The following BORCS5 variants were observed in gnomAD, a reference collection of about 807,000 sequenced individuals.
The protein encoded by BORCS5 is BLOC-1 related complex subunit 5.
In BORCS5, 17 loss-of-function variants were observed where a neutral mutation model predicts 22.1. That is an observed-to-expected ratio of 0.77 (90% confidence interval 0.53 to 1.15). BORCS5 has a LOEUF of 1.15. BORCS5 is among the 50% of genes most tolerant of loss of function. The pLI, the probability that BORCS5 is intolerant of heterozygous loss-of-function variation, is 0.00. For synonymous variants in BORCS5, 117 were observed against 99.8 expected, an observed-to-expected ratio of 1.17 and a Z score of -1.03; for missense variants, 247 against 253.2, an observed-to-expected ratio of 0.98 and a Z score of 0.17.
chr12:12,414,217 C>A (rs1349724881), intron 2 of BORCS5, among the ~76,000 whole-genome samples: 4 of 89,626 alleles, frequency 4.5e-5, no homozygotes, highest in Non-Finnish European at 9.7e-5. Context: ...GCTGACCCCC[C>A]CACCTCCCTC....
In BORCS5 at chr12:12,357,289, C is replaced by A. The variant is rs530933282; in HGVS notation, c.-163C>A. ...CCTCTCCTTCTCCCGCCGCCCAGGCCCCTGCGTGGGCTGGACGCGTCAGCC... is the reference window on the plus strand; with the variant it reads ...CCTCTCCTTCTCCCGCCGCCCAGGCACCTGCGTGGGCTGGACGCGTCAGCC... On this transcript the variant is annotated 5_prime_UTR_variant, in exon 1 of 4. Transcript: ENST00000314565. 3.4e-4 allele frequency: 502 copies of A among 1,456,198 alleles called. 3 individuals are homozygous for A. The African/African-American group carries it at 6.6e-3, about 19-fold the overall frequency. The allele number at this position is 1,456,198 out of a possible 1,614,324, so 90.2% of individuals were successfully genotyped here.
chr12:12,423,438 CTTTTTTTTTTTT>C (rs939681383), intron 2 of BORCS5, among the ~76,000 whole-genome samples: 1,355 of 57,296 alleles, frequency 0.024, 36 homozygotes, highest in African/African-American at 0.077. Context: ...ACTCCCTCAG[CTTTTTTTTTTTT>C]TTTTTTTTTT....
intron 3 of BORCS5, among the ~76,000 whole-genome samples, chr12:12,436,792 G>A (rs1942565290): frequency 6.6e-6 from 1 of 152,200 alleles, no homozygotes; most frequent in South Asian, 2.1e-4. Context: ...CAACATTTTA[G>A]TGCTTAGCTT....
At chr12:12,375,107 G>A (rs1005776088) in intron 2 of BORCS5, among the ~76,000 whole-genome samples, 9 of 152,146 alleles carry the variant, frequency 5.9e-5, no homozygotes, top group Non-Finnish European at 1.3e-4. Flanking sequence ...TGCCTCCTGG[G>A]TTGAAGCAGT....
intron 2 of BORCS5, among the ~76,000 whole-genome samples, chr12:12,417,867 C>G (rs1191658680): frequency 6.6e-6 from 1 of 152,002 alleles, no homozygotes; most frequent in Non-Finnish European, 1.5e-5. Flanking sequence ...GTCTCGAACT[C>G]CTGAGCTCAA....
intron 2 of BORCS5, among the ~76,000 whole-genome samples, chr12:12,427,445 G>T (rs1011838861): frequency 6.6e-6 from 1 of 152,118 alleles, no homozygotes; most frequent in African/African-American, 2.4e-5. Flanking sequence ...CTCCCAAAGT[G>T]CTGGGATTAC....
chr12:12,422,233 T>C (rs1261922209), intron 2 of BORCS5, among the ~76,000 whole-genome samples: 4 of 152,242 alleles, frequency 2.6e-5, no homozygotes, highest in African/African-American at 9.6e-5. Flanking sequence ...TTTAAGATCC[T>C]AACGTGGTAA....
chr12:12,372,654 A>G (rs886517988), intron 2 of BORCS5, among the ~76,000 whole-genome samples: 2 of 151,976 alleles, frequency 1.3e-5, no homozygotes, highest in African/African-American at 4.8e-5. Context: ...TGCCTAGTTT[A>G]ATTTCATCTC....
chr12:12,370,480 A>G (rs1471781223), intron 2 of BORCS5, among the ~76,000 whole-genome samples: 1 of 152,160 alleles, frequency 6.6e-6, no homozygotes, highest in Non-Finnish European at 1.5e-5. Context: ...TATAATATCT[A>G]TTGATGATTC....
chr12:12,458,024 A>G (rs1943030350), intron 3 of BORCS5, among the ~76,000 whole-genome samples: 1 of 152,226 alleles, frequency 6.6e-6, no homozygotes. Context: ...GAGGAATTTG[A>G]AAACTGAACA....
At chr12:12,434,241 C>CCA (rs1454215647) in intron 2 of BORCS5, among the ~76,000 whole-genome samples, 1 of 149,226 alleles carries the variant, frequency 6.7e-6, no homozygotes, top group African/African-American at 2.5e-5. Flanking sequence ...TAAGATCACG[C>CCA]CACTGCACTC....
intron 2 of BORCS5, among the ~76,000 whole-genome samples, chr12:12,404,328 A>C (rs1474588737): frequency 6.6e-6 from 1 of 152,146 alleles, no homozygotes; most frequent in Non-Finnish European, 1.5e-5. Context: ...AAAGAACAGA[A>C]ATTTATTTCT....
chr12:12,408,108 A>G (rs1237367054), intron 2 of BORCS5, among the ~76,000 whole-genome samples: 2 of 152,174 alleles, frequency 1.3e-5, no homozygotes, highest in Non-Finnish European at 2.9e-5. Context: ...TTCAGGTTCC[A>G]TCTGTATTCT....
In BORCS5 at chr12:12,435,785, G is replaced by C; in HGVS notation, c.360G>C (p.Glu120Asp). Reference sequence around the variant, plus strand: ...ATGCTTTGGTTAAACGAATCAAAGAGGTAATGTGCTGCGGGAAAATAACAT... The same window carrying C: ...ATGCTTTGGTTAAACGAATCAAAGACGTAATGTGCTGCGGGAAAATAACAT... ...DQNALVKRIK[E>D]MDLSVETLFS... Residue 120 changes from glutamate (E) to aspartate (D), a missense_variant and splice_region_variant, in exon 3 of 4, where the codon GAG (glutamate) becomes GAC (aspartate). Transcript: ENST00000314565. The C allele has an allele frequency of 1.9e-6, 3 of 1,607,970 alleles. No homozygotes were observed. Among genetic ancestry groups the C allele is most frequent in the South Asian group, 2.2e-5 (2 of 90,180 alleles).
rs749476139 is a variant in BORCS5 at position 12,388,662 on chromosome 12, G to T, written c.202+27313G>T. On this transcript the variant is annotated intron_variant, in intron 2 of 3. Transcript: ENST00000314565. The stretch of plus-strand genomic sequence containing the variant: ...AGGAAACCAGACTCTTAAGTGGGGT[G>T]GGGGGGACATATAAGAAAAGGTAAC... Among the ~76,000 whole-genome samples, 7 of 149,442 alleles carry T rather than the reference G, an allele frequency of 4.7e-5. 1 individual carries two copies. Among genetic ancestry groups the T allele is most frequent in the African/African-American group, 1.7e-4 (7 of 40,168 alleles).
chr12:12,416,467 T>C (rs925201139), intron 2 of BORCS5, among the ~76,000 whole-genome samples: 1 of 151,920 alleles, frequency 6.6e-6, no homozygotes, highest in Admixed American at 6.6e-5. Context: ...TTTTTAGAGA[T>C]GGGTATCACT....
At chr12:12,436,803 T>G (rs1721005567) in intron 3 of BORCS5, among the ~76,000 whole-genome samples, 1 of 152,254 alleles carries the variant, frequency 6.6e-6, no homozygotes, top group Non-Finnish European at 1.5e-5. Flanking sequence ...TGCTTAGCTT[T>G]CATAAAATGT....
chr12:12,464,887 G>A (rs1353564984), intron 3 of BORCS5, among the ~76,000 whole-genome samples: 1 of 152,156 alleles, frequency 6.6e-6, no homozygotes, highest in Non-Finnish European at 1.5e-5. Flanking sequence ...CCCTTCCATT[G>A]CAGTGTTCCC....
chr12:12,412,100 C>G (rs912280665), intron 2 of BORCS5, among the ~76,000 whole-genome samples: 1 of 152,116 alleles, frequency 6.6e-6, no homozygotes, highest in Non-Finnish European at 1.5e-5. Context: ...TTTGGCTATT[C>G]AGGATCTCTT....
Sources: gnomAD v4.1 joint callset for allele counts (sites outside exome capture counted in the v4.1 genomes callset) on GRCh38, gnomAD v4.1.1 for gene constraint, MANE v1.5 for transcripts, NCBI Gene and HGNC (gene_info 2026-07-23, HGNC 2026-07-21) for gene names.